CORIN: variants seen among roughly 807,000 people sequenced by gnomAD.
The protein encoded by CORIN is corin, serine peptidase.
A neutral mutation model predicts 125.3 loss-of-function variants in CORIN; 117 were observed. That is an observed-to-expected ratio of 0.93 (90% CI 0.80 to 1.09). CORIN has a LOEUF of 1.09. Among genes scored for constraint, CORIN ranks in the 50% least tolerant of loss-of-function variants. CORIN has a pLI of 0.00. For synonymous variants in CORIN, 450 were observed against 466.4 expected (o/e 0.96, Z 0.45); for missense variants, 1,253 against 1,306.7 (o/e 0.96, Z 0.63).
chr4:47,828,377 C>A (rs1286363622), intron 1 of CORIN, among the ~76,000 whole-genome samples: 7 of 152,356 alleles, frequency 4.6e-5, no homozygotes, highest in African/African-American at 1.7e-4. Flanking sequence ...ACTCCCCAAC[C>A]TCCTGGGAGG....
chr4:47,740,325 T>C (rs1728328187), intron 5 of CORIN, among the ~76,000 whole-genome samples: 1 of 151,934 alleles, frequency 6.6e-6, no homozygotes, highest in East Asian at 1.9e-4. Flanking sequence ...AAGTCTTGTA[T>C]TTCCCTTTTA....
chr4:47,623,792 G>C, intron 18 of CORIN, 47 bp from the exon 19 acceptor site: 1 of 1,599,894 alleles, frequency 6.3e-7, no homozygotes, highest in Non-Finnish European at 8.5e-7. Context: ...GCCAAACCTT[G>C]CTAAATGCTT....
chr4:47,801,608 A>C (rs777522018), intron 2 of CORIN, among the ~76,000 whole-genome samples: 2 of 152,220 alleles, frequency 1.3e-5, no homozygotes, highest in Non-Finnish European at 2.9e-5. Context: ...AGCTTGGAGA[A>C]TGTGGGCACT....
rs182659094 is a variant in CORIN at position 47,833,981 on chromosome 4, G to C, written c.63+3906C>G. Among the ~76,000 whole-genome samples the C allele has an allele frequency of 2.9e-4, 44 of 152,282 alleles. No individual in the cohort carries two copies. In the East Asian group the frequency reaches 6.0e-3, roughly 21 times the overall value. On this transcript the variant is annotated intron_variant, in intron 1 of 21. Transcript: ENST00000273857. ...AAATTGGTGCAACCATTATGGGAAA[G>C]AGTATGGAAGTTCCTCAAAAAAATT... is the stretch of plus-strand genomic sequence containing the variant.
chr4:47,667,952 G>A lies in CORIN; in HGVS notation c.1358-2689C>T, dbSNP rs534916480. Among the ~76,000 whole-genome samples the A allele has an allele frequency of 3.5e-3, 529 of 152,166 alleles. 3 individuals are homozygous for A. Among genetic ancestry groups the A allele is most frequent in the Non-Finnish European group, 6.3e-3 (431 of 68,018 alleles). On this transcript the variant is annotated intron_variant, in intron 10 of 21. Coordinates refer to ENST00000273857, the MANE Select transcript of CORIN (RefSeq NM_006587.4). ...CTTTGGGAGGTGATTGAGTTATAAG[G>A]GTACAGCCCCCAAGAATGGGATTAG...
At chr4:47,725,589 CACTTG>C (rs1388169946) in intron 5 of CORIN, among the ~76,000 whole-genome samples, 1 of 151,930 alleles carries the variant, frequency 6.6e-6, no homozygotes, top group African/African-American at 2.4e-5. Flanking sequence ...AAAAAAATAC[CACTTG>C]ACCTATACCT....
At chr4:47,737,191 T>C (rs190130931) in intron 5 of CORIN, among the ~76,000 whole-genome samples, 16 of 152,348 alleles carry the variant, frequency 1.1e-4, no homozygotes, top group African/African-American at 3.4e-4. Flanking sequence ...CGGAGCCTTA[T>C]AACAATGAGG....
intron 16 of CORIN, 69 bp from the exon 17 acceptor site, chr4:47,626,590 T>A: frequency 1.1e-6 from 1 of 938,466 alleles, no homozygotes; most frequent in South Asian, 1.3e-5. Context: ...TATCATTATT[T>A]AGCACTCATT....
At chr4:47,732,174 T>C (rs1727905555) in intron 5 of CORIN, among the ~76,000 whole-genome samples, 1 of 152,162 alleles carries the variant, frequency 6.6e-6, no homozygotes, top group South Asian at 2.1e-4. Context: ...TCCTGTGGAA[T>C]ATCAACATTT....
chr4:47,651,351 A>T (rs1723723566), intron 13 of CORIN, among the ~76,000 whole-genome samples: 1 of 152,272 alleles, frequency 6.6e-6, no homozygotes, highest in South Asian at 2.1e-4. Flanking sequence ...TGCTTGCATT[A>T]CCAGATGGTG....
At chr4:47,809,513 T>A (rs534338320) in intron 1 of CORIN, among the ~76,000 whole-genome samples, 2 of 149,172 alleles carry the variant, frequency 1.3e-5, no homozygotes, top group Non-Finnish European at 3.0e-5. Flanking sequence ...CATGCGATTC[T>A]CCTACCTCAG....
chr4:47,808,519 TATG>T (rs1731908197), intron 1 of CORIN, among the ~76,000 whole-genome samples: 1 of 152,224 alleles, frequency 6.6e-6, no homozygotes, highest in Admixed American at 6.5e-5. Context: ...CACTACATAA[TATG>T]ATGACACCTT....
intron 19 of CORIN, among the ~76,000 whole-genome samples, chr4:47,619,442 C>G (rs1293921445): frequency 6.6e-6 from 1 of 152,114 alleles, no homozygotes; most frequent in Non-Finnish European, 1.5e-5. Flanking sequence ...TTAGAAGTTC[C>G]CAAAAGTTTG....
chr4:47,686,815 T>C (rs1407396328), intron 6 of CORIN, among the ~76,000 whole-genome samples: 1 of 152,120 alleles, frequency 6.6e-6, no homozygotes, highest in Non-Finnish European at 1.5e-5. Flanking sequence ...CCCTAGGAGT[T>C]AATTTCTTTG....
At chr4:47,822,279 C>T (rs1002149117) in intron 1 of CORIN, among the ~76,000 whole-genome samples, 1 of 152,198 alleles carries the variant, frequency 6.6e-6, no homozygotes, top group Non-Finnish European at 1.5e-5. Context: ...CCGTTTGATA[C>T]TCAGTTGCTA....
rs190066154 is a variant in CORIN, at chr4:47,656,919, A to T, written c.1736-3259T>A. 1.3e-3 allele frequency among the ~76,000 whole-genome samples: 197 copies of T among 152,350 alleles called. 1 individual carries two copies. Among genetic ancestry groups the T allele is most frequent in the African/African-American group, 4.7e-3 (194 of 41,590 alleles). On this transcript the variant is annotated intron_variant, in intron 12 of 21. Coordinates refer to ENST00000273857, the MANE Select transcript of CORIN (RefSeq NM_006587.4). ...CGCCAAAAAGCTACAGAACTGATAAACAAATTCAGTAAAGTTGCAAGATAC... is the reference window on the plus strand; with the variant it reads ...CGCCAAAAAGCTACAGAACTGATAATCAAATTCAGTAAAGTTGCAAGATAC...
intron 1 of CORIN, among the ~76,000 whole-genome samples, chr4:47,819,564 A>G (rs1732414608): frequency 6.6e-6 from 1 of 152,180 alleles, no homozygotes; most frequent in Non-Finnish European, 1.5e-5. Flanking sequence ...CTATGCAAAA[A>G]AGCAGGAGAC....
chr4:47,768,314 T>C (rs1729861888), intron 3 of CORIN, among the ~76,000 whole-genome samples: 1 of 152,076 alleles, frequency 6.6e-6, no homozygotes, highest in Admixed American at 6.5e-5. Context: ...TCTCACGGAC[T>C]CAAGTGAAAG....
chr4:47,812,139 G>A (rs929911069), intron 1 of CORIN, among the ~76,000 whole-genome samples: 1 of 152,074 alleles, frequency 6.6e-6, no homozygotes, highest in African/African-American at 2.4e-5. Context: ...TTGCTGTAGT[G>A]CAAAGTTACT....
Sources: allele counts gnomAD v4.1 joint callset (sites outside exome capture counted in the v4.1 genomes callset), GRCh38; gene constraint gnomAD v4.1.1; transcripts MANE v1.5; gene names NCBI Gene and HGNC (gene_info 2026-07-23, HGNC 2026-07-21).